FARS2: variants seen among roughly 807,000 people sequenced by gnomAD.
FARS2 encodes the protein phenylalanine--tRNA ligase, mitochondrial.
Under a neutral mutation model 46.4 loss-of-function variants are expected in FARS2, and 40 were observed. That is an observed-to-expected ratio of 0.86 (90% CI 0.67 to 1.12). The LOEUF (loss-of-function observed/expected upper bound fraction) is 1.12, where lower values mean the gene tolerates loss of function less well. Among genes scored for constraint, FARS2 ranks in the 50% most tolerant of loss-of-function variants. The pLI is 0.00. For synonymous variants in FARS2, 234 were observed against 214.9 expected, an observed-to-expected ratio of 1.09 and a Z score of -0.78; for missense variants, 513 against 567.9, an observed-to-expected ratio of 0.90 and a Z score of 0.98.
intron 5 of FARS2, among the ~76,000 whole-genome samples, chr6:5,569,189 GAGA>G (rs368913885): frequency 2.1e-3 from 318 of 152,096 alleles, no homozygotes; most frequent in African/African-American, 6.9e-3. Context: ...AACAGGTCTG[GAGA>G]AGAAGATGAT....
At chr6:5,431,280 C>T (rs1489603384) in intron 4 of FARS2, 108 bp downstream of exon 4, 7 of 1,101,040 alleles carry the variant, frequency 6.4e-6, no homozygotes, top group South Asian at 1.5e-5. Flanking sequence ...ATGCGGGCAG[C>T]GGCATCACTG....
the FARS2 span, among the ~76,000 whole-genome samples, chr6:5,250,978 G>A: frequency 6.6e-6 from 1 of 152,270 alleles, no homozygotes; most frequent in Middle Eastern, 3.4e-3. Context: ...ATTATGCAAG[G>A]TGTCTCCTCA....
intron 4 of FARS2, among the ~76,000 whole-genome samples, chr6:5,474,089 G>T (rs1294040081): frequency 6.6e-6 from 1 of 152,098 alleles, no homozygotes; most frequent in Non-Finnish European, 1.5e-5. Context: ...CATCATTCAT[G>T]AATGTCCTTC....
intron 2 of FARS2, among the ~76,000 whole-genome samples, chr6:5,395,848 G>A (rs1020468219): frequency 2.0e-5 from 3 of 152,126 alleles, no homozygotes; most frequent in African/African-American, 7.2e-5. Context: ...ATGTAACCTT[G>A]CTTATTGAGG....
At chr6:5,711,425 T>C (rs974555408) in intron 6 of FARS2, among the ~76,000 whole-genome samples, 1 of 152,132 alleles carries the variant, frequency 6.6e-6, no homozygotes, top group African/African-American at 2.4e-5. Context: ...CATAAAGGCT[T>C]CCTTCCAGAG....
At chr6:5,580,368 G>A (rs1582499519) in intron 5 of FARS2, among the ~76,000 whole-genome samples, 3 of 151,636 alleles carry the variant, frequency 2.0e-5, no homozygotes, top group Non-Finnish European at 2.9e-5. Context: ...AGTTTAAGAC[G>A]GTTTGATTCT....
intron 2 of FARS2, among the ~76,000 whole-genome samples, chr6:5,391,403 G>A (rs943914463): frequency 4.6e-5 from 7 of 152,184 alleles, no homozygotes; most frequent in South Asian, 2.1e-4. Context: ...CAGCAAGGTA[G>A]CAAAGGTACT....
chr6:5,682,585 C>G (rs867076895), intron 6 of FARS2, among the ~76,000 whole-genome samples: 13 of 152,188 alleles, frequency 8.5e-5, no homozygotes, highest in Admixed American at 2.6e-4. Context: ...CTGTTCAGTC[C>G]TTAGTGAGCA....
In FARS2 at chr6:5,471,541, CTG is replaced by C. The variant is rs1435834105; in HGVS notation, c.904+40371_904+40372del. On this transcript the variant is annotated intron_variant, in intron 4 of 6. Transcript: ENST00000274680. The surrounding 1 kb of genome is among the most constrained non-coding windows in gnomAD (Gnocchi z 4.1). ...CTTGAAGTAAATGTTACCAGCAACA[CTG>C]TACCACCTATTTTAAAATTAATCCC... Among the ~76,000 whole-genome samples, 1 of 152,256 alleles carries C rather than the reference CTG, an allele frequency of 6.6e-6. No homozygotes were observed. The highest frequency in any genetic ancestry group is 1.9e-4 in the East Asian group (1 of 5,206).
intron 4 of FARS2, among the ~76,000 whole-genome samples, chr6:5,444,330 G>A (rs1764024025): frequency 2.6e-5 from 4 of 151,968 alleles, no homozygotes; most frequent in South Asian, 4.2e-4. Flanking sequence ...AGCTGGGCAT[G>A]GTGTCAGGTG....
At chr6:5,635,354 G>T (rs1448352731) in intron 6 of FARS2, among the ~76,000 whole-genome samples, 1 of 152,168 alleles carries the variant, frequency 6.6e-6, no homozygotes, top group Non-Finnish European at 1.5e-5. Flanking sequence ...CCTAGTTGCT[G>T]ATGATAATTT....
chr6:5,328,217 A>G (rs1040098737), intron 1 of FARS2, among the ~76,000 whole-genome samples: 5 of 152,148 alleles, frequency 3.3e-5, no homozygotes, highest in Non-Finnish European at 7.3e-5. Flanking sequence ...TTAGGAAAAT[A>G]TTTTAATTTT....
intron 6 of FARS2, among the ~76,000 whole-genome samples, chr6:5,645,521 C>T (rs1262918915): frequency 6.6e-6 from 1 of 152,176 alleles, no homozygotes; most frequent in Non-Finnish European, 1.5e-5. Context: ...GACGAAAATG[C>T]ATGCAGAAGA....
At chr6:5,666,593 C>T (rs1778135406) in intron 6 of FARS2, among the ~76,000 whole-genome samples, 1 of 152,160 alleles carries the variant, frequency 6.6e-6, no homozygotes, top group Non-Finnish European at 1.5e-5. Context: ...GACAAACAGA[C>T]AAAATAATTA....
intron 5 of FARS2, among the ~76,000 whole-genome samples, chr6:5,608,305 C>G (rs1774963752): frequency 6.6e-6 from 1 of 152,146 alleles, no homozygotes. Context: ...TATGCCATTT[C>G]TATTCATTAG....
At chr6:5,691,413 G>A (rs969619340) in intron 6 of FARS2, among the ~76,000 whole-genome samples, 2 of 152,176 alleles carry the variant, frequency 1.3e-5, no homozygotes, top group African/African-American at 4.8e-5. Flanking sequence ...TAACAGTCAG[G>A]ACCCTCAGCT....
At chr6:5,698,715 G>A (rs1758246722) in intron 6 of FARS2, among the ~76,000 whole-genome samples, 1 of 152,180 alleles carries the variant, frequency 6.6e-6, no homozygotes, top group South Asian at 2.1e-4. Flanking sequence ...ACAGGGTGTG[G>A]GTCCGGCTGA....
At chr6:5,462,953 T>C (rs1338116131) in intron 4 of FARS2, among the ~76,000 whole-genome samples, 1 of 152,200 alleles carries the variant, frequency 6.6e-6, no homozygotes, top group Non-Finnish European at 1.5e-5. Flanking sequence ...CTTGGCAAAC[T>C]TTTTTCTGAA....
intron 4 of FARS2, among the ~76,000 whole-genome samples, chr6:5,539,808 C>T (rs1328038986): frequency 6.6e-6 from 1 of 152,150 alleles, no homozygotes; most frequent in East Asian, 1.9e-4. Context: ...TTCTCATCAT[C>T]AGCATTACTC....
Sources: gnomAD v4.1 joint callset for allele counts (sites outside exome capture counted in the v4.1 genomes callset) on GRCh38, gnomAD v4.1.1 for gene constraint, Gnocchi (gnomAD v3.1) non-coding constraint, MANE v1.5 for transcripts, NCBI Gene and HGNC (gene_info 2026-07-23, HGNC 2026-07-21) for gene names.